The following SLC22A5 variants were observed in gnomAD, a reference collection of about 807,000 sequenced individuals.
The protein encoded by SLC22A5 is solute carrier family 22 member 5.
A neutral mutation model predicts 56.7 loss-of-function variants in SLC22A5; 44 were observed. The ratio of observed to expected loss-of-function variants is 0.78; its 90% confidence interval spans 0.61 to 1.00. The LOEUF (loss-of-function observed/expected upper bound fraction) is 1.00, where lower values mean the gene tolerates loss of function less well. SLC22A5 is among the 50% of genes least tolerant of loss of function. The probability of loss-of-function intolerance (pLI) is 0.00; values close to 1 mark genes in which losing one functional copy is unlikely to be tolerated. For synonymous variants in SLC22A5, 278 were observed against 292.1 expected, an observed-to-expected ratio of 0.95 and a Z score of 0.49; for missense variants, 675 against 723.0, an observed-to-expected ratio of 0.93 and a Z score of 0.76.
chr5:132,393,922 A>C, intron 9 of SLC22A5, 111 bp downstream of exon 9: 2 of 1,300,596 alleles, frequency 1.5e-6, no homozygotes, highest in Non-Finnish European at 2.2e-6. Flanking sequence ...GACACCATGG[A>C]CTAGTTTAGC....
At chr5:132,375,841 C>T (rs1189070540) in intron 1 of SLC22A5, among the ~76,000 whole-genome samples, 1 of 152,150 alleles carries the variant, frequency 6.6e-6, no homozygotes, top group Admixed American at 6.5e-5. Context: ...TGAAGGGTGA[C>T]AGCATTAGAC....
intron 1 of SLC22A5, chr5:132,376,426 G>A (rs1351445093): frequency 2.0e-5 from 3 of 152,184 alleles, no homozygotes; most frequent in African/African-American, 7.2e-5. Context: ...GAGATGCTCT[G>A]GGGCCTATCT....
chr5:132,375,367 G>C (rs1476976333), intron 1 of SLC22A5, among the ~76,000 whole-genome samples: 2 of 152,186 alleles, frequency 1.3e-5, no homozygotes, highest in African/African-American at 2.4e-5. Context: ...TAGGAATATA[G>C]GAATACATGG....
At chr5:132,385,617 G>T (rs1416818741) in intron 4 of SLC22A5, 118 bp downstream of exon 4, 1 of 842,062 alleles carries the variant, frequency 1.2e-6, no homozygotes, top group Non-Finnish European at 2.0e-6. Flanking sequence ...AGGAAGCATA[G>T]ATTATAAATT....
Position 132,387,098 on chromosome 5 carries a change from G to A in SLC22A5, c.898G>A (p.Ala300Thr), listed in dbSNP as rs1752558842. 4 of 1,614,184 alleles carry A rather than the reference G, an allele frequency of 2.5e-6. No individual in the cohort carries two copies. The highest frequency in any genetic ancestry group is 3.4e-6 in the Non-Finnish European group (4 of 1,180,030). The change falls in exon 5 of 10, where the codon GCT becomes ACT. Residue 300 changes from alanine (A) to threonine (T), a missense_variant. Ala to Thr is a moderately conservative substitution (Grantham distance 58). Transcript: ENST00000245407. ...AGAGGCAGAGGTGATCATCCGCAAG[G>A]CTGCCAAAGCCAATGGGATTGTTGT... ...FEEAEVIIRKAAKANGIVVPS... is the reference protein window; with the variant it reads ...FEEAEVIIRKTAKANGIVVPS...
intron 6 of SLC22A5, chr5:132,390,182 C>G: frequency 4.8e-6 from 1 of 208,154 alleles, no homozygotes; most frequent in Non-Finnish European, 9.8e-6. Context: ...CTGTCTCTGA[C>G]CAGCCTCTTC....
chr5:132,384,838 T>C (rs1229277022), intron 3 of SLC22A5, among the ~76,000 whole-genome samples: 1 of 152,248 alleles, frequency 6.6e-6, no homozygotes, highest in African/African-American at 2.4e-5. Context: ...GTCTCAAATG[T>C]GCCAGCCTGT....
At position 132,384,250 on chromosome 5, in the gene SLC22A5, G is replaced by A; in HGVS notation, c.601G>A (p.Val201Ile). 1 of 1,614,238 alleles carries A rather than the reference G, an allele frequency of 6.2e-7. No homozygotes were observed. The highest frequency in any genetic ancestry group is 8.5e-7 in the Non-Finnish European group (1 of 1,180,046). Residue 201 changes from valine to isoleucine, a missense_variant, in exon 3 of 10, where the codon GTC becomes ATC. Coordinates refer to ENST00000245407, the MANE Select transcript of SLC22A5 (RefSeq NM_003060.4). Reference sequence around the variant, plus strand: ...TTTTGAGATGTTTGTCGTGCTGTTTGTCCTTGTAGGCATGGGCCAGATCTC... The same window carrying A: ...TTTTGAGATGTTTGTCGTGCTGTTTATCCTTGTAGGCATGGGCCAGATCTC... Reference protein sequence around the residue: ...KNFEMFVVLFVLVGMGQISNY... With the variant: ...KNFEMFVVLFILVGMGQISNY...
chr5:132,392,459 G>C lies in SLC22A5; in HGVS notation c.1294G>C (p.Val432Leu), dbSNP rs1336502785. 2 of 1,614,108 alleles carry C rather than the reference G, an allele frequency of 1.2e-6. No homozygotes were observed. Among genetic ancestry groups the C allele is most frequent in the African/African-American group, 2.7e-5 (2 of 74,934 alleles). The change falls in exon 8 of 10, where the codon GTG becomes CTG. Residue 432 changes from valine (V) to leucine (L), a missense_variant. Val to Leu is a conservative substitution (Grantham distance 32). Coordinates refer to ENST00000245407, the MANE Select transcript of SLC22A5 (RefSeq NM_003060.4). ...PDLYYLATVLVMVGKFGVTAA... is the reference protein window; with the variant it reads ...PDLYYLATVLLMVGKFGVTAA... ...CTTGTATTATTTGGCTACAGTCCTG[G>C]TGATGGTGGGCAAGTTTGGAGTCAC...
chr5:132,384,012 T>C, intron 2 of SLC22A5, 135 bp from the exon 3 acceptor site: 1 of 867,360 alleles, frequency 1.2e-6, no homozygotes, highest in South Asian at 1.4e-5. Context: ...ACCGAGACTG[T>C]CCCTGGCAGC....
intron 2 of SLC22A5, chr5:132,381,426 G>C (rs1561568863): frequency 6.6e-6 from 1 of 152,330 alleles, no homozygotes. Flanking sequence ...CCTCAAGCCT[G>C]TCTGTGCCCC....
intron 3 of SLC22A5, 41 bp from the exon 4 acceptor site, chr5:132,385,287 C>T (rs1451523088): frequency 1.3e-6 from 2 of 1,582,216 alleles, no homozygotes; most frequent in Admixed American, 3.3e-5. Flanking sequence ...AGGAAGGAAC[C>T]CAAATTAAAC....
rs1480278113 is a variant in SLC22A5, at chr5:132,370,327, T to C, written c.355T>C (p.Phe119Leu). 2 of 1,611,188 alleles carry C rather than the reference T, an allele frequency of 1.2e-6. No homozygotes were observed. The highest frequency in any genetic ancestry group is 1.7e-5 in the Admixed American group (1 of 59,812). The part of the protein sequence containing the change: ...EQESCLDGWE[F>L]SQDVYLSTIV... ...GGAGAGCTGTCTGGATGGCTGGGAG[T>C]TCAGTCAGGACGTCTACCTGTCCAC... The change falls in exon 1 of 10, where the codon TTC becomes CTC. Residue 119 changes from phenylalanine to leucine, a missense_variant. Coordinates refer to ENST00000245407, the MANE Select transcript of SLC22A5 (RefSeq NM_003060.4).
intron 2 of SLC22A5, chr5:132,381,203 A>G (rs1489353282): frequency 6.6e-6 from 1 of 152,224 alleles, no homozygotes; most frequent in Admixed American, 6.5e-5. Context: ...GTCTATTCCC[A>G]GGGAAACTGG....
intron 1 of SLC22A5, among the ~76,000 whole-genome samples, chr5:132,374,605 A>G (rs1752066162): frequency 6.6e-6 from 1 of 152,184 alleles, no homozygotes; most frequent in Admixed American, 6.5e-5. Flanking sequence ...CAAGGCAGAG[A>G]AGCCACTTGC....
chr5:132,385,894 A>G (rs988104620), intron 4 of SLC22A5, among the ~76,000 whole-genome samples: 3 of 152,254 alleles, frequency 2.0e-5, no homozygotes, highest in Admixed American at 6.5e-5. Flanking sequence ...GGGTAGCCAC[A>G]TGGAGGAAGC....
At chr5:132,378,274 C>T (rs1220141329) in intron 1 of SLC22A5, 104 bp from the exon 2 acceptor site, 16 of 1,613,128 alleles carry the variant, frequency 9.9e-6, no homozygotes, top group African/African-American at 1.3e-5. Context: ...ACACTCAGAG[C>T]GTGTGGGGAT....
chr5:132,384,276 C>T lies in SLC22A5; in HGVS notation c.627C>T (p.Ser209=). ...LFVLVGMGQI[S]NYVAAFVLGT... ...TCCTTGTAGGCATGGGCCAGATCTC[C>T]AACTATGTGGCAGCATTTGTCCTGG... The change falls in exon 3 of 10, where the codon TCC becomes TCT. Residue 209 remains serine, a synonymous_variant. Transcript: ENST00000245407. The T allele has an allele frequency of 6.2e-7, 1 of 1,614,222 alleles. No individual in the cohort carries two copies. The highest frequency in any genetic ancestry group is 8.5e-7 in the Non-Finnish European group (1 of 1,180,036).
At chr5:132,389,160 ATGG>A in intron 6 of SLC22A5, 139 bp downstream of exon 6, 2 of 678,406 alleles carry the variant, frequency 2.9e-6, no homozygotes, top group Admixed American at 4.3e-5. Context: ...CTTGTGTTAG[ATGG>A]AAAAAATGGG....
Sources: gnomAD v4.1 joint callset for allele counts (sites outside exome capture counted in the v4.1 genomes callset) on GRCh38, gnomAD v4.1.1 for gene constraint, MANE v1.5 for transcripts, NCBI Gene and HGNC (gene_info 2026-07-23, HGNC 2026-07-21) for gene names.